The following MAPK6 variants were observed in gnomAD, a reference collection of about 807,000 sequenced individuals.
MAPK6 encodes the protein ERK-3.
In MAPK6, 19 loss-of-function variants were observed where a neutral mutation model predicts 59.3. The ratio of observed to expected loss-of-function variants is 0.32; its 90% CI spans 0.22 to 0.47. The LOEUF (loss-of-function observed/expected upper bound fraction) is 0.47, where lower values mean the gene tolerates loss of function less well. Ranked by LOEUF, MAPK6 falls within the 20% of genes least tolerant of loss-of-function variation. The probability of loss-of-function intolerance (pLI) is 1.00; values close to 1 mark genes in which losing one functional copy is unlikely to be tolerated. For missense variants in MAPK6, 724 were observed against 847.9 expected (o/e 0.85, Z 1.81); for synonymous variants, 316 against 290.3 (o/e 1.09, Z -0.90).
intron 1 of MAPK6, among the ~76,000 whole-genome samples, chr15:52,030,420 A>G (rs2030982742): frequency 6.6e-6 from 1 of 152,152 alleles, no homozygotes; most frequent in African/African-American, 2.4e-5. Context: ...TTTAAATCTC[A>G]GAAGGGAAAA....
Position 52,064,884 on chromosome 15 carries a change from A to G in MAPK6, c.2050A>G (p.Ser684Gly). The G allele has an allele frequency of 6.2e-7, 1 of 1,612,000 alleles. No homozygotes were observed. Among genetic ancestry groups the G allele is most frequent in the Non-Finnish European group, 8.5e-7 (1 of 1,179,826 alleles). Residue 684 changes from serine (S) to glycine (G), a missense_variant, in exon 6 of 6, where the codon AGT (serine) becomes GGT (glycine). By Grantham distance (56) the Ser-to-Gly change is moderately conservative (BLOSUM62 0). Transcript: ENST00000261845. The part of the protein sequence containing the change: ...LESIGIPQFH[S>G]PVGSPLKSIQ... Reference sequence around the variant, plus strand: ...GTCCATAGGCATCCCACAGTTTCACAGTCCAGTTGGGTCACCACTTAAGTC... The same window carrying G: ...GTCCATAGGCATCCCACAGTTTCACGGTCCAGTTGGGTCACCACTTAAGTC...
chr15:52,032,614 C>CT (rs1402184922), intron 1 of MAPK6, among the ~76,000 whole-genome samples: 1 of 152,170 alleles, frequency 6.6e-6, no homozygotes, highest in Non-Finnish European at 1.5e-5. Context: ...TCCTAAAAGA[C>CT]TTCTTTTAGC....
At chr15:52,063,187 C>G (rs1446164385) in intron 5 of MAPK6, among the ~76,000 whole-genome samples, 1 of 152,164 alleles carries the variant, frequency 6.6e-6, no homozygotes, top group East Asian at 1.9e-4. Flanking sequence ...GCCTCAGCCT[C>G]CCTACTAGCT....
chr15:52,041,551 A>G (rs569478368), intron 1 of MAPK6, among the ~76,000 whole-genome samples: 1 of 152,210 alleles, frequency 6.6e-6, no homozygotes, highest in South Asian at 2.1e-4. Flanking sequence ...ATGGCAATTA[A>G]TAGTACACTG....
intron 1 of MAPK6, among the ~76,000 whole-genome samples, chr15:52,038,102 A>G (rs1472214499): frequency 1.3e-5 from 2 of 151,820 alleles, no homozygotes; most frequent in African/African-American, 4.8e-5. Context: ...GGAGGAATCC[A>G]CTACATGCCC....
intron 1 of MAPK6, among the ~76,000 whole-genome samples, chr15:51,979,338 CATA>C (rs909378600): frequency 4.0e-5 from 6 of 151,646 alleles, no homozygotes; most frequent in African/African-American, 1.5e-4. Flanking sequence ...CTTGCTCAGA[CATA>C]ATAACATAAA....
At chr15:52,000,924 A>G (rs188576189) in intron 2 of MAPK6, among the ~76,000 whole-genome samples, 15 of 152,190 alleles carry the variant, frequency 9.9e-5, no homozygotes, top group East Asian at 7.7e-4. Context: ...ATTGTCCCCA[A>G]TGGGTGATCT....
chr15:52,018,275 C>T (rs995841873), upstream of MAPK6, among the ~76,000 whole-genome samples: 4 of 152,102 alleles, frequency 2.6e-5, no homozygotes, highest in Non-Finnish European at 4.4e-5. Context: ...GTGATCTGCC[C>T]GTCTCGGCCT....
In MAPK6 at chr15:52,064,738, G is replaced by A. The variant is rs776658192; in HGVS notation, c.1904G>A (p.Arg635Lys). 5.6e-6 allele frequency: 9 copies of A among 1,611,704 alleles called. No homozygotes were observed. The Admixed American group carries it at 1.5e-4, about 27-fold the overall frequency. Residue 635 changes from arginine (R) to lysine (K), a missense_variant, in exon 6 of 6, where the codon AGG becomes AAG. Coordinates refer to ENST00000261845, the MANE Select transcript of MAPK6 (RefSeq NM_002748.4). ...YTSYLDKFFSRKEDTEMLETE... is the reference protein window; with the variant it reads ...YTSYLDKFFSKKEDTEMLETE... ...AGTTACTTGGACAAGTTCTTTAGCA[G>A]GAAAGAAGATACTGAAATGCTAGAA...
At chr15:51,999,170 G>A (rs1284986021) in intron 2 of MAPK6, among the ~76,000 whole-genome samples, 1 of 151,374 alleles carries the variant, frequency 6.6e-6, no homozygotes, top group East Asian at 1.9e-4. Flanking sequence ...TAATTTTTTT[G>A]TGTTTTTAGT....
intron 2 of MAPK6, among the ~76,000 whole-genome samples, chr15:51,984,368 G>A (rs1039003482): frequency 1.3e-4 from 19 of 150,608 alleles, no homozygotes; most frequent in African/African-American, 4.4e-4. Context: ...TGCAAGCTCC[G>A]CCTTCCGGGT....
At chr15:52,030,538 T>G (rs1383650569) in intron 1 of MAPK6, among the ~76,000 whole-genome samples, 1 of 151,892 alleles carries the variant, frequency 6.6e-6, no homozygotes, top group Non-Finnish European at 1.5e-5. Flanking sequence ...GGGGCCTGAT[T>G]ATCAGATGGT....
intron 2 of MAPK6, among the ~76,000 whole-genome samples, chr15:51,983,436 G>A (rs533777234): frequency 8.5e-5 from 13 of 152,114 alleles, no homozygotes; most frequent in East Asian, 3.9e-4. Context: ...CAGAGATCAC[G>A]CCATTGCACT....
chr15:52,034,537 T>TG (rs1342619055), intron 1 of MAPK6, among the ~76,000 whole-genome samples: 2 of 151,918 alleles, frequency 1.3e-5, no homozygotes, highest in African/African-American at 4.8e-5. Context: ...CTCAAACTCT[T>TG]GAGCTCAGGC....
chr15:52,053,651 A>AT (rs140797875), intron 3 of MAPK6, among the ~76,000 whole-genome samples: 12 of 124,606 alleles, frequency 9.6e-5, no homozygotes, highest in Admixed American at 9.0e-4. Flanking sequence ...TGATTGATTG[A>AT]TTTTTTAAGA....
At chr15:52,018,779 T>A (rs908742062), upstream of MAPK6, 1 of 152,416 alleles carries the variant, frequency 6.6e-6, no homozygotes, top group African/African-American at 2.4e-5. Flanking sequence ...CTCCATACTC[T>A]GGCAGAATGA....
intron 1 of MAPK6, among the ~76,000 whole-genome samples, 187 bp from the exon 2 acceptor site, chr15:52,045,643 G>A (rs565563097): frequency 2.6e-5 from 4 of 152,324 alleles, no homozygotes; most frequent in Admixed American, 1.3e-4. Context: ...GCCAACGTGT[G>A]TGAATTGCTG....
intron 1 of MAPK6, among the ~76,000 whole-genome samples, chr15:51,972,901 C>T (rs1426043936): frequency 6.6e-6 from 1 of 151,572 alleles, no homozygotes; most frequent in Non-Finnish European, 1.5e-5. Flanking sequence ...CCTAGCTACT[C>T]AGGAAACTGA....
chr15:52,010,217 G>T (rs2030014178), intron 3 of MAPK6, among the ~76,000 whole-genome samples: 1 of 152,034 alleles, frequency 6.6e-6, no homozygotes, highest in African/African-American at 2.4e-5. Context: ...TGAAGGATAA[G>T]TTGTTTTTTT....
Sources: gnomAD v4.1 joint callset for allele counts (sites outside exome capture counted in the v4.1 genomes callset) on GRCh38, gnomAD v4.1.1 for gene constraint, MANE v1.5 for transcripts, NCBI Gene and HGNC (gene_info 2026-07-23, HGNC 2026-07-21) for gene names.